TRDN: variants seen among roughly 807,000 people sequenced by gnomAD.
The protein encoded by TRDN is triadin in skeletal muscle.
In TRDN, 161 loss-of-function variants were observed where a neutral mutation model predicts 149.7. That is an observed-to-expected ratio of 1.08 (90% CI 0.95 to 1.23). TRDN has a LOEUF of 1.23. TRDN is among the 50% of genes most tolerant of loss of function. TRDN has a pLI of 0.00. For missense variants in TRDN, 896 were observed against 823.5 expected (o/e 1.09, Z -1.08); for synonymous variants, 294 against 250.5 (o/e 1.17, Z -1.64).
At position 123,570,975 on chromosome 6, in the gene TRDN, C is replaced by G; in HGVS notation, c.180G>C (p.Trp60Cys). ...WLLVIALIIT[W>C]SAVAIVMFDL... ...CAAACATAACGATGGCAACAGCTGA[C>G]CACGTGATTATCAGGGCAATGACCA... Residue 60 changes from tryptophan to cysteine, a missense_variant, in exon 2 of 41, where the codon TGG (tryptophan) becomes TGC (cysteine). Physicochemically the swap from Trp to Cys is radical, Grantham distance 215. Coordinates refer to ENST00000334268, the MANE Select transcript of TRDN (RefSeq NM_006073.4). 1 of 1,613,938 alleles carries G rather than the reference C, an allele frequency of 6.2e-7. No individual in the cohort carries two copies. The highest frequency in any genetic ancestry group is 8.5e-7 in the Non-Finnish European group (1 of 1,179,858).
At chr6:123,625,360 T>C (rs1188556747) in intron 1 of TRDN, among the ~76,000 whole-genome samples, 1 of 152,188 alleles carries the variant, frequency 6.6e-6, no homozygotes, top group African/African-American at 2.4e-5. Context: ...CATTTTTTTT[T>C]CTGTATCCTA....
intron 35 of TRDN, among the ~76,000 whole-genome samples, chr6:123,258,969 G>A (rs1488625203): frequency 2.6e-5 from 4 of 152,052 alleles, no homozygotes; most frequent in Non-Finnish European, 4.4e-5. Context: ...TATTTCTGTG[G>A]AATCAGTGGT....
intron 1 of TRDN, among the ~76,000 whole-genome samples, chr6:123,592,191 G>T (rs1783822487): frequency 6.6e-6 from 1 of 152,194 alleles, no homozygotes; most frequent in Non-Finnish European, 1.5e-5. Context: ...CTGGGCAATT[G>T]CATTGCTGAT....
At position 123,216,646 on chromosome 6, in the gene TRDN, A is replaced by G. The variant is rs950262900; in HGVS notation, c.*1955T>C. 2 of 151,990 alleles carry G rather than the reference A, an allele frequency of 1.3e-5. No individual in the cohort carries two copies. Among genetic ancestry groups the G allele is most frequent in the South Asian group, 4.1e-4 (2 of 4,824 alleles). 9.4% of individuals were successfully genotyped at this position (151,990 alleles called of 1,614,324 possible). On this transcript the variant is annotated 3_prime_UTR_variant, in exon 41 of 41. Transcript: ENST00000334268. Reference sequence around the variant, plus strand: ...TATCATATTTATATTAAAATATTTTATTTGTCTCCATGGTATTTCTATGAG... The same window carrying G: ...TATCATATTTATATTAAAATATTTTGTTTGTCTCCATGGTATTTCTATGAG...
intron 38 of TRDN, among the ~76,000 whole-genome samples, chr6:123,225,858 T>C (rs1460837940): frequency 6.6e-6 from 1 of 151,786 alleles, no homozygotes; most frequent in Non-Finnish European, 1.5e-5. Flanking sequence ...GAGGCAATTC[T>C]AATGCAATAT....
At chr6:123,506,357 C>G (rs528909482) in intron 7 of TRDN, among the ~76,000 whole-genome samples, 123 of 152,292 alleles carry the variant, frequency 8.1e-4, no homozygotes, top group Middle Eastern at 3.4e-3. Context: ...TATTCCTCTA[C>G]TGGACTGCTT....
intron 7 of TRDN, among the ~76,000 whole-genome samples, chr6:123,511,935 C>T (rs745859495): frequency 5.3e-5 from 8 of 151,872 alleles, no homozygotes; most frequent in Non-Finnish European, 1.2e-4. Context: ...TTGAGCCCAC[C>T]TGGATAATCC....
At chr6:123,267,959 T>A (rs1033188105) in intron 31 of TRDN, among the ~76,000 whole-genome samples, 1 of 152,108 alleles carries the variant, frequency 6.6e-6, no homozygotes, top group East Asian at 1.9e-4. Flanking sequence ...AAAGGCTTTT[T>A]TCTACATTTG....
chr6:123,444,677 T>G (rs1775195376), intron 10 of TRDN, among the ~76,000 whole-genome samples: 1 of 152,008 alleles, frequency 6.6e-6, no homozygotes, highest in African/African-American at 2.4e-5. Flanking sequence ...TAGCTCTTAT[T>G]ATTTTGAAAT....
intron 9 of TRDN, chr6:123,470,095 G>A (rs1332232662): frequency 6.6e-6 from 1 of 152,128 alleles, no homozygotes; most frequent in African/African-American, 2.4e-5. Flanking sequence ...GATTTCAGAT[G>A]TCTATTCCGT....
intron 10 of TRDN, among the ~76,000 whole-genome samples, chr6:123,448,971 A>G (rs1258223825): frequency 2.0e-5 from 3 of 152,124 alleles, no homozygotes; most frequent in Non-Finnish European, 4.4e-5. Context: ...AAGAGAGACA[A>G]CAATCACTGC....
intron 1 of TRDN, among the ~76,000 whole-genome samples, chr6:123,574,875 T>C (rs1020631603): frequency 7.1e-5 from 9 of 126,966 alleles, no homozygotes; most frequent in African/African-American, 3.1e-4. Flanking sequence ...TATATATATA[T>C]ATATATATAT....
intron 9 of TRDN, among the ~76,000 whole-genome samples, chr6:123,466,986 T>C (rs958242603): frequency 6.6e-6 from 1 of 152,138 alleles, no homozygotes; most frequent in Admixed American, 6.5e-5. Context: ...AAATTTCACA[T>C]AATTTACACT....
At chr6:123,227,732 TG>T (rs1324696555) in intron 38 of TRDN, among the ~76,000 whole-genome samples, 1 of 134,622 alleles carries the variant, frequency 7.4e-6, no homozygotes, top group Non-Finnish European at 1.7e-5. Flanking sequence ...TTTGTTTGTT[TG>T]TTTGTTTGTT....
chr6:123,405,927 T>A (rs1773174726), intron 12 of TRDN, among the ~76,000 whole-genome samples: 1 of 152,192 alleles, frequency 6.6e-6, no homozygotes, highest in African/African-American at 2.4e-5. Context: ...AGCTTAACGA[T>A]AGTCCCTCAG....
At chr6:123,255,356 T>C (rs2114577162) in intron 36 of TRDN, among the ~76,000 whole-genome samples, 1 of 152,178 alleles carries the variant, frequency 6.6e-6, no homozygotes, top group South Asian at 2.1e-4. Flanking sequence ...TTAACTAGAA[T>C]GTATGAAAAA....
intron 1 of TRDN, among the ~76,000 whole-genome samples, chr6:123,613,683 G>A (rs183615024): frequency 1.6e-4 from 24 of 152,210 alleles, no homozygotes; most frequent in Non-Finnish European, 3.4e-4. Flanking sequence ...AAAATAAAAT[G>A]TCTTACAATT....
At chr6:123,220,329 C>T in intron 40 of TRDN, among the ~76,000 whole-genome samples, 1 of 151,736 alleles carries the variant, frequency 6.6e-6, no homozygotes, top group Admixed American at 6.6e-5. Flanking sequence ...TACAATTCAC[C>T]TGTCTCATTG....
chr6:123,474,571 C>T (rs534705137), intron 9 of TRDN, among the ~76,000 whole-genome samples: 20 of 152,194 alleles, frequency 1.3e-4, no homozygotes, highest in Middle Eastern at 6.8e-3. Flanking sequence ...TGCACCAAGC[C>T]GACCTAATAG....
Sources: allele counts gnomAD v4.1 joint callset (sites outside exome capture counted in the v4.1 genomes callset), GRCh38; gene constraint gnomAD v4.1.1; transcripts MANE v1.5; gene names NCBI Gene and HGNC (gene_info 2026-07-23, HGNC 2026-07-21).